The following TRIO variants were observed in gnomAD, a reference collection of about 807,000 sequenced individuals.
TRIO encodes the protein triple functional domain protein.
TRIO carries 58 observed loss-of-function variants against 351.9 expected under a neutral mutation model. The ratio of observed to expected loss-of-function variants is 0.16; its 90% CI spans 0.13 to 0.21. The LOEUF (loss-of-function observed/expected upper bound fraction) is 0.21. Among genes scored for constraint, TRIO ranks in the 10% least tolerant of loss-of-function variants. The pLI is 1.00. For synonymous variants in TRIO, 1,758 were observed against 1,595.7 expected (o/e 1.10, Z -2.42); for missense variants, 3,201 against 4,027.8 (o/e 0.79, Z 5.56).
chr5:14,369,389 G>C lies in TRIO; in HGVS notation c.3082G>C (p.Glu1028Gln). 1 of 1,613,428 alleles carries C rather than the reference G, an allele frequency of 6.2e-7. No individual in the cohort carries two copies. Among genetic ancestry groups the C allele is most frequent in the Non-Finnish European group, 8.5e-7 (1 of 1,179,704 alleles). Residue 1028 changes from glutamate to glutamine, a missense_variant, in exon 18 of 57, where the codon GAG becomes CAG. This residue lies in a region of TRIO where 363 missense variants were observed against 553.5 expected (regional missense o/e 0.66). Transcript: ENST00000344204. The stretch of plus-strand genomic sequence containing the variant: ...CTGCTCACAGGTCTGCAGCGTCCTC[G>C]AGAGCCTGGAACAGGAGTACAAGAG... ...KTSEQVCSVL[E>Q]SLEQEYKREE...
chr5:14,347,928 G>A (rs556252028), intron 11 of TRIO, among the ~76,000 whole-genome samples: 6 of 152,338 alleles, frequency 3.9e-5, no homozygotes, highest in South Asian at 4.1e-4. Flanking sequence ...ATATATGAGT[G>A]TTTTGAATCA....
At chr5:14,185,281 A>G (rs1211053402) in intron 1 of TRIO, among the ~76,000 whole-genome samples, 2 of 151,854 alleles carry the variant, frequency 1.3e-5, no homozygotes, top group East Asian at 1.9e-4. Flanking sequence ...ACTTGGTCCT[A>G]TTTTCTTTCA....
chr5:14,266,311 C>T (rs1463055537), intron 1 of TRIO, among the ~76,000 whole-genome samples: 1 of 152,154 alleles, frequency 6.6e-6, no homozygotes, highest in East Asian at 1.9e-4. Context: ...ATCTGCCTGC[C>T]TCGGCCTCCC....
chr5:14,335,281 C>T (rs556592602), intron 10 of TRIO, among the ~76,000 whole-genome samples: 2 of 152,284 alleles, frequency 1.3e-5, no homozygotes, highest in South Asian at 2.1e-4. Context: ...CCCCACATGA[C>T]GCCCTCACAT....
At chr5:14,183,770 A>G in intron 1 of TRIO, 1 of 541,944 alleles carries the variant, frequency 1.8e-6, no homozygotes, top group South Asian at 2.1e-5. Flanking sequence ...GGCCGCAGTT[A>G]CAGCATGCTG....
At chr5:14,432,281 T>G (rs967317373) in intron 34 of TRIO, among the ~76,000 whole-genome samples, 1 of 79,928 alleles carries the variant, frequency 1.3e-5, no homozygotes, top group Non-Finnish European at 3.3e-5. Context: ...TAAAGTGAGA[T>G]TTTCAAAGCA....
At chr5:14,400,050 G>A (rs1747941953) in intron 30 of TRIO, among the ~76,000 whole-genome samples, 1 of 152,176 alleles carries the variant, frequency 6.6e-6, no homozygotes, top group South Asian at 2.1e-4. Context: ...AATCATCTGA[G>A]TAATAATCTG....
At chr5:14,275,238 C>T (rs1735391199) in intron 2 of TRIO, among the ~76,000 whole-genome samples, 1 of 152,106 alleles carries the variant, frequency 6.6e-6, no homozygotes, top group African/African-American at 2.4e-5. Context: ...GGTATTAGCA[C>T]AGTATATGAC....
intron 1 of TRIO, among the ~76,000 whole-genome samples, chr5:14,222,558 C>T (rs1186834868): frequency 1.3e-5 from 2 of 152,218 alleles, no homozygotes; most frequent in Non-Finnish European, 2.9e-5. Context: ...TTTAACCTGA[C>T]CTAAGCATTG....
At chr5:14,379,618 T>C (rs1283012896) in intron 20 of TRIO, among the ~76,000 whole-genome samples, 1 of 152,202 alleles carries the variant, frequency 6.6e-6, no homozygotes, top group Non-Finnish European at 1.5e-5. Flanking sequence ...ATCGGAGGCC[T>C]GGTTAGATTT....
intron 10 of TRIO, among the ~76,000 whole-genome samples, chr5:14,332,683 C>A (rs1324619637): frequency 6.6e-6 from 1 of 152,130 alleles, no homozygotes; most frequent in Non-Finnish European, 1.5e-5. Flanking sequence ...CTAATTTTTC[C>A]TTATTAAAAA....
chr5:14,145,193 G>A (rs1787430548), intron 1 of TRIO, among the ~76,000 whole-genome samples: 2 of 152,228 alleles, frequency 1.3e-5, no homozygotes, highest in Non-Finnish European at 2.9e-5. Flanking sequence ...GATTCGGTGA[G>A]ATCAGTTCCC....
rs926370862 is a variant in TRIO, at chr5:14,508,144, C to A, written c.9016C>A (p.Arg3006Ser). Reference protein sequence around the residue: ...SVEETCLNICRLDFSFPDDYF... With the variant: ...SVEETCLNICSLDFSFPDDYF... ...GGAAGAGACCTGCCTGAACATTTGCCGCTTAGACTTTAGCTTCCCAGATGA... is the reference window on the plus strand; with the variant it reads ...GGAAGAGACCTGCCTGAACATTTGCAGCTTAGACTTTAGCTTCCCAGATGA... The change falls in exon 57 of 57, where the codon CGC becomes AGC. Residue 3006 changes from arginine to serine, a missense_variant. Arg to Ser is a moderately radical substitution (Grantham distance 110). Transcript: ENST00000344204. 3.1e-6 allele frequency: 5 copies of A among 1,614,060 alleles called. No homozygotes were observed. In the East Asian group the frequency reaches 1.1e-4, roughly 36 times the overall value.
chr5:14,462,717 G>T, intron 35 of TRIO, 38 bp from the exon 36 acceptor site: 1 of 1,612,086 alleles, frequency 6.2e-7, no homozygotes, highest in South Asian at 1.1e-5. Context: ...CTGTGAACTG[G>T]CCTGGAATAT....
intron 1 of TRIO, among the ~76,000 whole-genome samples, chr5:14,243,946 C>T (rs538758951): frequency 1.3e-5 from 2 of 152,350 alleles, no homozygotes; most frequent in East Asian, 3.9e-4. Flanking sequence ...AGGGCCATGC[C>T]TGGCAGAAGG....
chr5:14,435,606 T>C (rs1376898553), intron 34 of TRIO, among the ~76,000 whole-genome samples: 1 of 152,228 alleles, frequency 6.6e-6, no homozygotes, highest in Non-Finnish European at 1.5e-5. Context: ...ATTTCATAGT[T>C]TCCTCATTCC....
chr5:14,366,710 G>C (rs1366951560), intron 15 of TRIO, 150 bp from the exon 16 acceptor site: 1 of 1,137,230 alleles, frequency 8.8e-7, no homozygotes, highest in East Asian at 2.4e-5. Context: ...ACATCAGGCT[G>C]TTGCCTGGAT....
In TRIO at chr5:14,479,328, A is replaced by C; in HGVS notation, c.6221A>C (p.Glu2074Ala). The C allele has an allele frequency of 6.2e-7, 1 of 1,613,712 alleles. No homozygotes were observed. The highest frequency in any genetic ancestry group is 8.5e-7 in the Non-Finnish European group (1 of 1,179,808). The change falls in exon 42 of 57, where the codon GAA becomes GCA. Residue 2074 changes from glutamate (E) to alanine (A), a missense_variant. Physicochemically the swap from Glu to Ala is moderately radical, Grantham distance 107. Coordinates refer to ENST00000344204, the MANE Select transcript of TRIO (RefSeq NM_007118.4). ...NKPKSEHIVS[E>A]YIDTFFEDLK... ...CCAAAGTCTGAGCACATTGTCTCAG[A>C]ATACATTGATACCTTTTTTGAGGTA...
At position 14,461,215 on chromosome 5, in the gene TRIO, C is replaced by T; in HGVS notation, c.5400C>T (p.His1800=). The T allele has an allele frequency of 6.4e-7, 1 of 1,572,576 alleles. No individual in the cohort carries two copies. The highest frequency in any genetic ancestry group is 8.6e-7 in the Non-Finnish European group (1 of 1,159,900). ...ACGTGAAGAAGCTGGCGCACAAGCA[C>T]AAGAAGAGCCGCGAGGTCCGCAAGA... ...DGHVKKLAHK[H]KKSREVRKSA... is the part of the protein sequence containing the mutation. The change falls in exon 35 of 57, where the codon CAC becomes CAT. Residue 1800 remains histidine, a synonymous_variant. Coordinates refer to ENST00000344204, the MANE Select transcript of TRIO (RefSeq NM_007118.4).
Sources: gnomAD v4.1 joint callset for allele counts (sites outside exome capture counted in the v4.1 genomes callset) on GRCh38, gnomAD v4.1.1 for gene constraint, gnomAD v4.1.1 regional missense constraint, MANE v1.5 for transcripts, NCBI Gene and HGNC (gene_info 2026-07-23, HGNC 2026-07-21) for gene names.